The following COL4A6 variants were observed in gnomAD, a reference collection of about 807,000 sequenced individuals.
COL4A6 encodes collagen alpha-6(IV) chain.
COL4A6 carries 59 observed loss-of-function variants against 126.7 expected under a neutral mutation model. The observed-to-expected ratio is 0.47, with a 90% CI of 0.38 to 0.58. The LOEUF is 0.58. Among genes scored for constraint, COL4A6 ranks in the 20% least tolerant of loss-of-function variants. The probability of loss-of-function intolerance (pLI) is 0.00; values close to 1 mark genes in which losing one functional copy is unlikely to be tolerated. For synonymous variants in COL4A6, 547 were observed against 496.6 expected, an observed-to-expected ratio of 1.10 and a Z score of -1.35; for missense variants, 1,285 against 1,337.3, an observed-to-expected ratio of 0.96 and a Z score of 0.61.
intron 2 of COL4A6, among the ~76,000 whole-genome samples, chrX:108,317,428 G>A (rs963334047): frequency 2.7e-5 from 3 of 112,310 alleles, no homozygotes; most frequent in African/African-American, 9.7e-5. Flanking sequence ...GCCTTAGTCA[G>A]TATAGACTTG....
chrX:108,206,292 G>C, intron 9 of COL4A6: 1 of 516,447 alleles, frequency 1.9e-6, no homozygotes, highest in Non-Finnish European at 3.5e-6. Context: ...GGTTGAGCTA[G>C]GGTGGGAGGC....
chrX:108,157,126 G>A lies in COL4A6; in HGVS notation c.4947C>T (p.Tyr1649=). 1 of 1,212,047 alleles carries A rather than the reference G, an allele frequency of 8.3e-7. No individual in the cohort carries two copies. Among genetic ancestry groups the A allele is most frequent in the Non-Finnish European group, 1.1e-6 (1 of 895,541 alleles). Residue 1649 remains tyrosine (Y), a synonymous_variant, in exon 45 of 45, where the codon TAC becomes TAT. Transcript: ENST00000334504. ...RGTCHYFANK[Y]SFWLTTVEER... is the part of the protein sequence containing the mutation. ...CCTCCACTGTGGTCAACCAGAAACT[G>A]TACTTGTTTGCAAAGTAGTGGCAGG... is the stretch of plus-strand genomic sequence containing the variant.
chrX:108,283,053 C>T (rs1174275322), intron 3 of COL4A6, among the ~76,000 whole-genome samples: 3 of 101,947 alleles, frequency 2.9e-5, no homozygotes, highest in Admixed American at 1.1e-4. Flanking sequence ...TGCTAAATGA[C>T]GAGTTAATGG....
intron 3 of COL4A6, among the ~76,000 whole-genome samples, chrX:108,306,011 T>C (rs1164063402): frequency 9.0e-6 from 1 of 111,692 alleles, no homozygotes; most frequent in Non-Finnish European, 1.9e-5. Context: ...GTGGCTGAAA[T>C]CCCTGCAGTA....
intron 3 of COL4A6, chrX:108,268,933 T>A: frequency 4.0e-6 from 1 of 249,361 alleles, no homozygotes; most frequent in South Asian, 4.4e-5. Context: ...TTCTTGGTTC[T>A]ACCATCATAG....
At chrX:108,373,853 G>T (rs2040379218) in intron 2 of COL4A6, among the ~76,000 whole-genome samples, 1 of 112,020 alleles carries the variant, frequency 8.9e-6, no homozygotes, top group African/African-American at 3.2e-5. Context: ...CTTTAAAATT[G>T]TTTTCCTTTT....
At chrX:108,388,529 G>C (rs952132111) in intron 2 of COL4A6, among the ~76,000 whole-genome samples, 1 of 111,597 alleles carries the variant, frequency 9.0e-6, no homozygotes, top group Admixed American at 9.5e-5. Flanking sequence ...TTCTCTGACG[G>C]TACTTTGCAT....
chrX:108,211,567 A>C, intron 7 of COL4A6, 105 bp downstream of exon 7: 9 of 720,820 alleles, frequency 1.2e-5, no homozygotes, highest in Non-Finnish European at 1.7e-5. Context: ...CTCCTTAAAT[A>C]GAGACACAGA....
chrX:108,354,045 T>C (rs768538358), intron 2 of COL4A6, among the ~76,000 whole-genome samples: 2 of 111,390 alleles, frequency 1.8e-5, no homozygotes, highest in South Asian at 7.7e-4. Flanking sequence ...CCCAGCTATT[T>C]GGGAGGCTGA....
At chrX:108,263,087 C>G (rs181015813) in intron 3 of COL4A6, among the ~76,000 whole-genome samples, 1 of 111,106 alleles carries the variant, frequency 9.0e-6, no homozygotes, top group African/African-American at 3.3e-5. Context: ...ATGACAGATT[C>G]TGGTTGTAAA....
rs974763334 is a variant in COL4A6 at position 108,217,226 on chromosome X, A to G, written c.324+2472T>C. Reference sequence around the variant, plus strand: ...GTTTTGAGAACAAAGCTAGTGACACATATGTTAACAATCAGCTAATATTAA... The same window carrying G: ...GTTTTGAGAACAAAGCTAGTGACACGTATGTTAACAATCAGCTAATATTAA... On this transcript the variant is annotated intron_variant, in intron 5 of 44. Coordinates refer to ENST00000334504, the MANE Select transcript of COL4A6 (RefSeq NM_033641.4). 2.7e-5 allele frequency among the ~76,000 whole-genome samples: 3 copies of G among 112,483 alleles called. No homozygotes were observed. The Admixed American group carries it at 2.8e-4, about 11-fold the overall frequency.
At chrX:108,283,866 T>G (rs987708276) in intron 3 of COL4A6, among the ~76,000 whole-genome samples, 2 of 111,368 alleles carry the variant, frequency 1.8e-5, no homozygotes, top group Admixed American at 9.6e-5. Context: ...TAGAGCCTCT[T>G]TAATAAAAGG....
At chrX:108,192,363 G>A in intron 18 of COL4A6, 110 bp downstream of exon 18, 1 of 503,163 alleles carries the variant, frequency 2.0e-6, no homozygotes, top group Non-Finnish European at 3.4e-6. Context: ...TCTACCTCTT[G>A]TTTGACTTTG....
intron 3 of COL4A6, among the ~76,000 whole-genome samples, chrX:108,290,846 G>T (rs186707572): frequency 1.3e-3 from 150 of 112,431 alleles, no homozygotes; most frequent in Non-Finnish European, 1.6e-3. Flanking sequence ...TGCTACCTGT[G>T]TGACTTTGGT....
intron 2 of COL4A6, among the ~76,000 whole-genome samples, chrX:108,338,497 C>CT (rs2039485756): frequency 8.9e-6 from 1 of 112,243 alleles, no homozygotes; most frequent in African/African-American, 3.2e-5. Flanking sequence ...ATCCAAACCT[C>CT]TGTTAGTATT....
intron 3 of COL4A6, among the ~76,000 whole-genome samples, chrX:108,287,412 G>A (rs1405463321): frequency 2.7e-5 from 3 of 111,555 alleles, no homozygotes; most frequent in Non-Finnish European, 3.8e-5. Context: ...GCTTTGCTCT[G>A]TGACACAGTT....
At chrX:108,196,193 C>G (rs2035209688) in intron 14 of COL4A6, among the ~76,000 whole-genome samples, 1 of 110,953 alleles carries the variant, frequency 9.0e-6, no homozygotes. Flanking sequence ...AGCAAGGCAA[C>G]ACTTGCCTTG....
chrX:108,425,027 AAAAT>A (rs1033399272), intron 2 of COL4A6, among the ~76,000 whole-genome samples: 1 of 111,285 alleles, frequency 9.0e-6, no homozygotes, highest in African/African-American at 3.3e-5. Flanking sequence ...ACCCATAAGT[AAAAT>A]AAATAAATAA....
intron 3 of COL4A6, among the ~76,000 whole-genome samples, chrX:108,304,803 A>T (rs1370961229): frequency 8.9e-6 from 1 of 111,990 alleles, no homozygotes; most frequent in African/African-American, 3.2e-5. Context: ...CTTGCAGCTA[A>T]CAGGAGCTAA....
Sources: gnomAD v4.1 joint callset for allele counts (sites outside exome capture counted in the v4.1 genomes callset) on GRCh38, gnomAD v4.1.1 for gene constraint, MANE v1.5 for transcripts, NCBI Gene and HGNC (gene_info 2026-07-23, HGNC 2026-07-21) for gene names.